TNFAIP2: variants seen among roughly 807,000 people sequenced by gnomAD.
The protein encoded by TNFAIP2 is tumor necrosis factor alpha-induced protein 2.
In TNFAIP2, 47 loss-of-function variants were observed where a neutral mutation model predicts 63.5. The observed-to-expected ratio is 0.74, with a 90% CI of 0.59 to 0.94. The LOEUF (loss-of-function observed/expected upper bound fraction) is 0.94. TNFAIP2 is among the 40% of genes least tolerant of loss of function. The pLI, the probability that TNFAIP2 is intolerant of heterozygous loss-of-function variation, is 0.00. For synonymous variants in TNFAIP2, 405 were observed against 390.2 expected, an observed-to-expected ratio of 1.04 and a Z score of -0.45; for missense variants, 787 against 850.2, an observed-to-expected ratio of 0.93 and a Z score of 0.92.
At chr14:103,128,096 T>TCCTTCTCTGA (rs1184881282) in intron 3 of TNFAIP2, among the ~76,000 whole-genome samples, 1 of 151,920 alleles carries the variant, frequency 6.6e-6, no homozygotes, top group Non-Finnish European at 1.5e-5. Flanking sequence ...AAGCCAGCGG[T>TCCTTCTCTGA]CCTTCTCTGA....
In TNFAIP2 at chr14:103,135,305, G is replaced by C; in HGVS notation, c.1910G>C (p.Ser637Thr). Residue 637 changes from serine (S) to threonine (T), a missense_variant, in exon 12 of 12, where the codon AGC becomes ACC. By Grantham distance (58) the Ser-to-Thr change is moderately conservative (BLOSUM62 1). Around this residue, in one of 3 missense-constraint regions of TNFAIP2, gnomAD observed 523 missense variants for 604.1 expected, o/e 0.87. Transcript: ENST00000560869. The surrounding 1 kb of genome is among the most constrained non-coding windows in gnomAD (Gnocchi z 7.6). ...VKRIRSILDV[S>T]MGAQEPSRPL... ...CGCATCCGGAGCATCTTGGACGTCA[G>C]CATGGGGGCGCAGGAGCCCTCCCGG... 5 of 1,613,896 alleles carry C rather than the reference G, an allele frequency of 3.1e-6. No individual in the cohort carries two copies. The highest frequency in any genetic ancestry group is 4.2e-6 in the Non-Finnish European group (5 of 1,179,928).
At chr14:103,122,842 C>T (rs1223602420), upstream of TNFAIP2, 7 of 454,880 alleles carry the variant, frequency 1.5e-5, no homozygotes, top group Non-Finnish European at 2.7e-5. Flanking sequence ...GTGGTGTGAG[C>T]CGGGTCAGCC....
chr14:103,129,993 C>T lies in TNFAIP2; in HGVS notation c.976-9C>T, dbSNP rs775041238. 3 of 1,611,158 alleles carry T rather than the reference C, an allele frequency of 1.9e-6. No individual in the cohort carries two copies. Among genetic ancestry groups the T allele is most frequent in the African/African-American group, 1.3e-5 (1 of 75,032 alleles). On this transcript the variant is annotated splice_polypyrimidine_tract_variant and intron_variant, in intron 4 of 11. Transcript: ENST00000560869. The stretch of plus-strand genomic sequence containing the variant: ...ATAGTGCCCCAGTGACCTGCCCCTC[C>T]TCCTCCAGGCCAATGTGAGGGAGTT...
chr14:103,135,274 G>T lies in TNFAIP2; in HGVS notation c.1879G>T (p.Val627Phe). 6.2e-7 allele frequency: 1 copy of T among 1,614,030 alleles called. No homozygotes were observed. Residue 627 changes from valine (V) to phenylalanine (F), a missense_variant, in exon 12 of 12, where the codon GTC becomes TTC. Around this residue, in one of 3 missense-constraint regions of TNFAIP2, gnomAD observed 523 missense variants for 604.1 expected, o/e 0.87. Coordinates refer to ENST00000560869, the MANE Select transcript of TNFAIP2 (RefSeq NM_006291.4). This position sits in a 1 kb window ranked among gnomAD's most constrained non-coding sequence, Gnocchi z 7.6. ...CAAGGGGAACCTATCCAACAGTGAGGTCAAGCGCATCCGGAGCATCTTGGA... is the reference window on the plus strand; with the variant it reads ...CAAGGGGAACCTATCCAACAGTGAGTTCAAGCGCATCCGGAGCATCTTGGA... Reference protein sequence around the residue: ...AIKGNLSNSEVKRIRSILDVS... With the variant: ...AIKGNLSNSEFKRIRSILDVS...
chr14:103,122,307 C>T (rs1166839682), upstream of TNFAIP2, among the ~76,000 whole-genome samples: 6 of 152,188 alleles, frequency 3.9e-5, no homozygotes, highest in Non-Finnish European at 5.9e-5. Flanking sequence ...CCACAGCCGC[C>T]CCCACTCCGC....
In TNFAIP2 at chr14:103,135,092, T is replaced by C; in HGVS notation, c.1824-127T>C. On this transcript the variant is annotated intron_variant, in intron 11 of 11. Transcript: ENST00000560869. The surrounding 1 kb of genome is among the most constrained non-coding windows in gnomAD (Gnocchi z 7.6). ...GGTGGAGGGCATGGGTGAGGGAGAG[T>C]GAAGTGCAGCCCCCTCGTGGGCCGG... 8.6e-7 allele frequency: 1 copy of C among 1,158,382 alleles called. No individual in the cohort carries two copies. Among genetic ancestry groups the C allele is most frequent in the Non-Finnish European group, 1.3e-6 (1 of 793,244 alleles). 71.8% of individuals were successfully genotyped at this position (1,158,382 alleles called of 1,614,324 possible).
chr14:103,133,732 C>T lies in TNFAIP2; in HGVS notation c.1752C>T (p.Ile584=), dbSNP rs773256308. 2 of 1,597,484 alleles carry T rather than the reference C, an allele frequency of 1.3e-6. No individual in the cohort carries two copies. Among genetic ancestry groups the T allele is most frequent in the African/African-American group, 1.3e-5 (1 of 74,264 alleles). The part of the protein sequence containing the change: ...LQPALPTLAE[I]IRLQDPSAIK... ...CTGCTCTCCCTACGCTGGCCGAGATCATTCGCCTGCAGGACCCCAGTGCCA... is the reference window on the plus strand; with the variant it reads ...CTGCTCTCCCTACGCTGGCCGAGATTATTCGCCTGCAGGACCCCAGTGCCA... Residue 584 remains isoleucine, a synonymous_variant, in exon 11 of 12, where the codon ATC becomes ATT. Transcript: ENST00000560869.
chr14:103,133,831 C>G, intron 11 of TNFAIP2, 28 bp downstream of exon 11: 1 of 1,565,570 alleles, frequency 6.4e-7, no homozygotes, highest in African/African-American at 1.4e-5. Context: ...CTCAGGACCA[C>G]TGTCACATCA....
rs756413740 is a variant in TNFAIP2 at position 103,126,500 on chromosome 14, G to A, written c.43G>A (p.Ala15Thr). 6.3e-6 allele frequency: 10 copies of A among 1,594,430 alleles called. No individual in the cohort carries two copies. The highest frequency in any genetic ancestry group is 8.5e-6 in the Non-Finnish European group (10 of 1,170,856). Reference sequence around the variant, plus strand: ...TGAGGACCTGGTGCCACCCCTGGAGGCTGGGGCAGCCCCATATAGGGAGGA... The same window carrying A: ...TGAGGACCTGGTGCCACCCCTGGAGACTGGGGCAGCCCCATATAGGGAGGA... ...SSEDLVPPLE[A>T]GAAPYREEEE... is the part of the protein sequence containing the mutation. Residue 15 changes from alanine to threonine, a missense_variant, in exon 2 of 12, where the codon GCT becomes ACT. Transcript: ENST00000560869.
chr14:103,132,953 C>G (rs2088009145), intron 9 of TNFAIP2, 81 bp downstream of exon 9: 2 of 1,578,432 alleles, frequency 1.3e-6, no homozygotes, highest in Non-Finnish European at 8.6e-7. Context: ...TCTGTGTACA[C>G]TCACGCACAT....
rs942013186 is a variant in TNFAIP2 at position 103,127,802 on chromosome 14, C to A, written c.860+173C>A. Among the ~76,000 whole-genome samples, 6 of 152,148 alleles carry A rather than the reference C, an allele frequency of 3.9e-5. No individual in the cohort carries two copies. Among genetic ancestry groups the A allele is most frequent in the Admixed American group, 6.5e-5 (1 of 15,282 alleles). The stretch of plus-strand genomic sequence containing the variant: ...TGGACTCCCTGGGGCAGAGCCTGGA[C>A]AGGCAGAGACTGGGCCTGGACACAG... On this transcript the variant is annotated intron_variant, in intron 3 of 11. Coordinates refer to ENST00000560869, the MANE Select transcript of TNFAIP2 (RefSeq NM_006291.4). The surrounding 1 kb of genome is among the most constrained non-coding windows in gnomAD (Gnocchi z 5.1).
Position 103,126,650 on chromosome 14 carries a change from G to A in TNFAIP2, c.193G>A (p.Ala65Thr). Residue 65 changes from alanine (A) to threonine (T), a missense_variant, in exon 2 of 12, where the codon GCA becomes ACA. Coordinates refer to ENST00000560869, the MANE Select transcript of TNFAIP2 (RefSeq NM_006291.4). Reference sequence around the variant, plus strand: ...GCCCAGCTCAGCGGAGCCCGAGGACGCAGCCGGGTCCAGGCAGGGGCTGGA... The same window carrying A: ...GCCCAGCTCAGCGGAGCCCGAGGACACAGCCGGGTCCAGGCAGGGGCTGGA... ...GQPSSAEPED[A>T]AGSRQGLDGP... The A allele has an allele frequency of 6.4e-7, 1 of 1,555,904 alleles. No homozygotes were observed. Among genetic ancestry groups the A allele is most frequent in the East Asian group, 2.4e-5 (1 of 42,024 alleles).
rs2087982198 is a variant in TNFAIP2 at position 103,131,868 on chromosome 14, A to G, written c.1422+106A>G. Reference sequence around the variant, plus strand: ...TGGCAGAAGCAAAGATGTGGGGAAGACACGCTCCAGGCCTGTGGACGGCAC... The same window carrying G: ...TGGCAGAAGCAAAGATGTGGGGAAGGCACGCTCCAGGCCTGTGGACGGCAC... On this transcript the variant is annotated intron_variant, in intron 8 of 11. Coordinates refer to ENST00000560869, the MANE Select transcript of TNFAIP2 (RefSeq NM_006291.4). The surrounding 1 kb of genome is among the most constrained non-coding windows in gnomAD (Gnocchi z 4.0). 2.0e-6 allele frequency: 3 copies of G among 1,463,944 alleles called. No individual in the cohort carries two copies. The highest frequency in any genetic ancestry group is 2.7e-6 in the Non-Finnish European group (3 of 1,096,730). The allele number at this position is 1,463,944 out of a possible 1,614,324, so 90.7% of individuals were successfully genotyped here.
intron 4 of TNFAIP2, 24 bp from the exon 5 acceptor site, chr14:103,129,978 A>G: frequency 6.2e-7 from 1 of 1,610,282 alleles, no homozygotes; most frequent in Non-Finnish European, 8.5e-7. Flanking sequence ...ATAGTGCCCC[A>G]GTGACCTGCC....
At chr14:103,122,859 C>T, upstream of TNFAIP2, 3 of 455,218 alleles carry the variant, frequency 6.6e-6, no homozygotes, top group Non-Finnish European at 1.3e-5. Context: ...AGCCACTTCA[C>T]CTTTCCGCAT....
In TNFAIP2 at chr14:103,135,921, G is replaced by C; in HGVS notation, c.*561G>C. On this transcript the variant is annotated 3_prime_UTR_variant, in exon 12 of 12. Coordinates refer to ENST00000560869, the MANE Select transcript of TNFAIP2 (RefSeq NM_006291.4). This position sits in a 1 kb window ranked among gnomAD's most constrained non-coding sequence, Gnocchi z 7.6. ...GCAGGGGCTTTTAGGGTCCTGTGGC[G>C]AGCTGTGAGCACCGCCAGCATTAGA... The C allele has an allele frequency of 2.3e-6, 3 of 1,289,792 alleles. No individual in the cohort carries two copies. The highest frequency in any genetic ancestry group is 3.0e-6 in the Non-Finnish European group (3 of 989,114). 79.9% of individuals were successfully genotyped at this position (1,289,792 alleles called of 1,614,324 possible). A position where few individuals can be genotyped will look rare whatever the true frequency, so the allele number is the denominator to read the frequency against.
chr14:103,132,807 A>G lies in TNFAIP2; in HGVS notation c.1480A>G (p.Asn494Asp), dbSNP rs750010578. ...RWAAPVETLE[N>D]IIATVDTRLP... ...GGCGGCCCCTGTGGAGACCCTGGAA[A>G]ACATCATCGCCACTGTAGACACGAG... The change falls in exon 9 of 12, where the codon AAC (asparagine) becomes GAC (aspartate). Residue 494 changes from asparagine to aspartate, a missense_variant. Asn to Asp is a conservative substitution (Grantham distance 23). Around this residue, in one of 3 missense-constraint regions of TNFAIP2, gnomAD observed 523 missense variants for 604.1 expected, o/e 0.87. Coordinates refer to ENST00000560869, the MANE Select transcript of TNFAIP2 (RefSeq NM_006291.4). 1.1e-5 allele frequency: 18 copies of G among 1,613,964 alleles called. No individual in the cohort carries two copies. Among genetic ancestry groups the G allele is most frequent in the African/African-American group, 4.0e-5 (3 of 74,930 alleles).
rs781071346 is a variant in TNFAIP2, at chr14:103,131,804, G to C, written c.1422+42G>C. On this transcript the variant is annotated intron_variant, in intron 8 of 11. Coordinates refer to ENST00000560869, the MANE Select transcript of TNFAIP2 (RefSeq NM_006291.4). This position sits in a 1 kb window ranked among gnomAD's most constrained non-coding sequence, Gnocchi z 4.0. ...GCCCTCAGGAGCCCAGTGTTGGGGGGTTCCCAGGGAGGGACTGGGAGGTGC... is the reference window on the plus strand; with the variant it reads ...GCCCTCAGGAGCCCAGTGTTGGGGGCTTCCCAGGGAGGGACTGGGAGGTGC... 1 of 1,590,896 alleles carries C rather than the reference G, an allele frequency of 6.3e-7. No individual in the cohort carries two copies.
In TNFAIP2 at chr14:103,127,603, G is replaced by A; in HGVS notation, c.834G>A (p.Leu278=). 6.5e-7 allele frequency: 1 copy of A among 1,535,786 alleles called. No homozygotes were observed. The change falls in exon 3 of 12, where the codon CTG becomes CTA. Residue 278 remains leucine, a synonymous_variant. Coordinates refer to ENST00000560869, the MANE Select transcript of TNFAIP2 (RefSeq NM_006291.4). The surrounding 1 kb of genome is among the most constrained non-coding windows in gnomAD (Gnocchi z 5.1). ...ELCERDTYML[L]LWVQNLYPND... is the part of the protein sequence containing the mutation. ...GCGAGCGCGACACCTACATGCTGCT[G>A]CTCTGGGTGCAGAACCTCTACCCCA...
Sources: allele counts gnomAD v4.1 joint callset (sites outside exome capture counted in the v4.1 genomes callset), GRCh38; gene constraint gnomAD v4.1.1; regional missense constraint gnomAD v4.1.1; non-coding constraint Gnocchi (gnomAD v3.1); transcripts MANE v1.5; gene names NCBI Gene and HGNC (gene_info 2026-07-23, HGNC 2026-07-21).